The following TBL1X variants were observed in gnomAD, a reference collection of about 807,000 sequenced individuals.
The protein encoded by TBL1X is F-box-like/WD repeat-containing protein TBL1X.
A neutral mutation model predicts 50.7 loss-of-function variants in TBL1X; 10 were observed. The ratio of observed to expected loss-of-function variants is 0.20; its 90% CI spans 0.12 to 0.33. TBL1X has a LOEUF of 0.33. Among genes scored for constraint, TBL1X ranks in the 10% least tolerant of loss-of-function variants. The pLI, the probability that TBL1X is intolerant of heterozygous loss-of-function variation, is 1.00. For synonymous variants in TBL1X, 190 were observed against 214.7 expected (o/e 0.88, Z 1.01); for missense variants, 340 against 504.4 (o/e 0.67, Z 3.12).
intron 2 of TBL1X, among the ~76,000 whole-genome samples, chrX:9,574,107 G>C (rs1024172174): frequency 1.8e-5 from 2 of 111,123 alleles, no homozygotes; most frequent in Admixed American, 1.9e-4. Flanking sequence ...ATGCACTTTG[G>C]ACTCGCTGGA....
chrX:9,620,313 G>A (rs1448146798), intron 2 of TBL1X, among the ~76,000 whole-genome samples: 2 of 112,226 alleles, frequency 1.8e-5, no homozygotes, highest in Admixed American at 9.4e-5. Context: ...ATATTTATCC[G>A]GGAACTCATA....
intron 5 of TBL1X, among the ~76,000 whole-genome samples, chrX:9,666,945 A>C (rs1411991943): frequency 8.9e-6 from 1 of 111,985 alleles, no homozygotes; most frequent in Admixed American, 9.5e-5. Flanking sequence ...GTTTTTGTTA[A>C]AGGGAAGGTA....
intron 2 of TBL1X, among the ~76,000 whole-genome samples, chrX:9,595,592 T>G (rs1038858384): frequency 2.7e-5 from 3 of 112,005 alleles, no homozygotes; most frequent in African/African-American, 9.7e-5. Context: ...TCTCACTGGC[T>G]TTTAGCAAAA....
chrX:9,571,305 C>T, intron 2 of TBL1X, among the ~76,000 whole-genome samples: 1 of 112,164 alleles, frequency 8.9e-6, no homozygotes, highest in South Asian at 3.8e-4. Flanking sequence ...CTATCATAGG[C>T]ATCAATTTAG....
At chrX:9,468,794 C>G (rs2081793835) in intron 1 of TBL1X, among the ~76,000 whole-genome samples, 1 of 110,008 alleles carries the variant, frequency 9.1e-6, no homozygotes, top group African/African-American at 3.3e-5. Flanking sequence ...AGAGATTTCC[C>G]AGGCTCCTTG....
intron 11 of TBL1X, among the ~76,000 whole-genome samples, chrX:9,694,554 G>A (rs979752559): frequency 9.0e-5 from 10 of 111,421 alleles, no homozygotes; most frequent in African/African-American, 3.0e-4. Flanking sequence ...CCGAGATTGC[G>A]CCTCTGCACT....
At chrX:9,640,818 G>C (rs2082772163) in intron 3 of TBL1X, among the ~76,000 whole-genome samples, 2 of 111,214 alleles carry the variant, frequency 1.8e-5, no homozygotes, top group African/African-American at 6.5e-5. Flanking sequence ...AGTTTCAGTA[G>C]AGACAGGGTT....
chrX:9,495,050 G>A (rs1354433485), intron 1 of TBL1X, among the ~76,000 whole-genome samples: 2 of 111,519 alleles, frequency 1.8e-5, no homozygotes, highest in Admixed American at 9.6e-5. Flanking sequence ...TTGGGCCCTC[G>A]TGTGTGGGAT....
At chrX:9,482,800 A>T (rs146081299) in intron 1 of TBL1X, among the ~76,000 whole-genome samples, 1,523 of 111,051 alleles carry the variant, frequency 0.014, 28 homozygotes, top group African/African-American at 0.048. Context: ...TCAGTGAGAG[A>T]ATGATGACAG....
intron 2 of TBL1X, among the ~76,000 whole-genome samples, chrX:9,511,173 G>T (rs1237595097): frequency 8.9e-6 from 1 of 112,515 alleles, no homozygotes; most frequent in Non-Finnish European, 1.9e-5. Context: ...AAACTGAGAA[G>T]TGCTGAGTCA....
chrX:9,689,579 C>G lies in TBL1X; in HGVS notation c.616+1304C>G, dbSNP rs190035199. Reference sequence around the variant, plus strand: ...GTGGCCAGAGTTCACCCTGGTTGAACTTCTGGAACAGCCACCCCAACCCCC... The same window carrying G: ...GTGGCCAGAGTTCACCCTGGTTGAAGTTCTGGAACAGCCACCCCAACCCCC... On this transcript the variant is annotated intron_variant, in intron 7 of 17. Transcript: ENST00000645353. 8.5e-3 allele frequency among the ~76,000 whole-genome samples: 950 copies of G among 111,799 alleles called. 14 individuals are homozygous for G. The highest frequency in any genetic ancestry group is 0.029 in the African/African-American group (895 of 30,726).
intron 1 of TBL1X, among the ~76,000 whole-genome samples, chrX:9,466,226 G>C (rs1231980643): frequency 2.7e-5 from 3 of 112,657 alleles, no homozygotes; most frequent in Non-Finnish European, 5.6e-5. Flanking sequence ...GCTATCCAGG[G>C]GGACCTTCCC....
chrX:9,574,097 A>G (rs1179990513), intron 2 of TBL1X, among the ~76,000 whole-genome samples: 1 of 111,109 alleles, frequency 9.0e-6, no homozygotes, highest in Non-Finnish European at 1.9e-5. Flanking sequence ...GGCTAAAGTG[A>G]TGCACTTTGG....
intron 2 of TBL1X, among the ~76,000 whole-genome samples, chrX:9,544,846 G>A (rs1214086871): frequency 9.0e-6 from 1 of 111,317 alleles, no homozygotes; most frequent in Non-Finnish European, 1.9e-5. Context: ...AATTACAGGC[G>A]TGAGCCACTG....
chrX:9,477,653 G>A (rs2081856731), intron 1 of TBL1X, among the ~76,000 whole-genome samples: 1 of 112,305 alleles, frequency 8.9e-6, no homozygotes, highest in African/African-American at 3.2e-5. Context: ...AATTAAGTCA[G>A]TTTTCTTAAA....
intron 13 of TBL1X, among the ~76,000 whole-genome samples, chrX:9,708,353 T>C (rs2083222705): frequency 8.9e-6 from 1 of 112,470 alleles, no homozygotes; most frequent in Non-Finnish European, 1.9e-5. Flanking sequence ...ATTTTGCCTG[T>C]GTCATGTGTG....
intron 2 of TBL1X, among the ~76,000 whole-genome samples, chrX:9,621,289 G>C (rs1014612655): frequency 2.7e-5 from 3 of 111,870 alleles, no homozygotes; most frequent in Non-Finnish European, 5.6e-5. Flanking sequence ...TCAAAGGTCG[G>C]GAAGATGCCT....
chrX:9,638,146 C>T (rs1292144719), intron 2 of TBL1X, among the ~76,000 whole-genome samples: 1 of 111,487 alleles, frequency 9.0e-6, no homozygotes, highest in East Asian at 2.8e-4. Flanking sequence ...TCTCCATGTT[C>T]AATGTGGAGG....
chrX:9,706,819 T>C (rs2083210898), intron 13 of TBL1X, among the ~76,000 whole-genome samples: 1 of 111,201 alleles, frequency 9.0e-6, no homozygotes, highest in Non-Finnish European at 1.9e-5. Context: ...CCAAGCACCT[T>C]GCCCCGCGCT....
Sources: gnomAD v4.1 joint callset for allele counts (sites outside exome capture counted in the v4.1 genomes callset) on GRCh38, gnomAD v4.1.1 for gene constraint, MANE v1.5 for transcripts, NCBI Gene and HGNC (gene_info 2026-07-23, HGNC 2026-07-21) for gene names.